The following SSPN variants were observed in gnomAD, a reference collection of about 807,000 sequenced individuals.
SSPN encodes the protein K-ras oncogene-associated protein.
Under a neutral mutation model 19.1 loss-of-function variants are expected in SSPN, and 15 were observed. The ratio of observed to expected loss-of-function variants is 0.78; its 90% CI spans 0.52 to 1.21. The LOEUF is 1.21. Ranked by LOEUF, SSPN falls within the 50% of genes most tolerant of loss-of-function variation. The pLI, the probability that SSPN is intolerant of heterozygous loss-of-function variation, is 0.00. For missense variants in SSPN, 291 were observed against 314.0 expected (o/e 0.93, Z 0.55); for synonymous variants, 147 against 140.3 (o/e 1.05, Z -0.34).
At chr12:26,126,182 C>G (rs1241831645) in intron 1 of SSPN, 1 of 152,234 alleles carries the variant, frequency 6.6e-6, no homozygotes, top group Non-Finnish European at 1.5e-5. Context: ...GTTACCTTTC[C>G]CCAGAGCCAC....
At position 26,233,353 on chromosome 12, in the gene SSPN, CAT is replaced by C. The variant is rs1423202731; in HGVS notation, c.*2279_*2280del. On this transcript the variant is annotated 3_prime_UTR_variant, in exon 3 of 3. Coordinates refer to ENST00000242729, the MANE Select transcript of SSPN (RefSeq NM_005086.5). This position sits in a 1 kb window ranked among gnomAD's most constrained non-coding sequence, Gnocchi z 4.3. ...GGAGATATATATATATATATATACACATACACACACACACACACATATATACT... is the reference window on the plus strand; with the variant it reads ...GGAGATATATATATATATATATACACACACACACACACACACATATATACT... 87 of 139,864 alleles carry C rather than the reference CAT, an allele frequency of 6.2e-4. No homozygotes were observed. The highest frequency in any genetic ancestry group is 2.3e-3 in the African/African-American group (79 of 34,398). The allele number at this position is 139,864 out of a possible 1,614,324, so 8.7% of individuals were successfully genotyped here. A position where few individuals can be genotyped will look rare whatever the true frequency, so the allele number is the denominator to read the frequency against.
intron 1 of SSPN, among the ~76,000 whole-genome samples, chr12:26,157,473 C>T (rs1944562652): frequency 6.6e-6 from 1 of 152,110 alleles, no homozygotes; most frequent in African/African-American, 2.4e-5. Context: ...TCAACTCATC[C>T]TCAGGCCTAC....
intron 1 of SSPN, among the ~76,000 whole-genome samples, chr12:26,134,202 G>A (rs1217612426): frequency 6.6e-6 from 1 of 152,098 alleles, no homozygotes; most frequent in Admixed American, 6.5e-5. Flanking sequence ...AATGTACCCT[G>A]CTCTTGCTGT....
Position 26,172,908 on chromosome 12 carries a change from C to T in SSPN, c.-31+50756C>T, listed in dbSNP as rs541594801. Among the ~76,000 whole-genome samples the T allele has an allele frequency of 7.2e-5, 11 of 152,182 alleles. No homozygotes were observed. In the South Asian group the frequency reaches 2.1e-3, roughly 29 times the overall value. ...ATCATCTATCTATTGTTCCAATCTCCTATGTTGATTAGCTTCCAATTTTTA... is the reference window on the plus strand; with the variant it reads ...ATCATCTATCTATTGTTCCAATCTCTTATGTTGATTAGCTTCCAATTTTTA... On this transcript the variant is annotated intron_variant, in intron 1 of 2. Coordinates refer to the SSPN transcript ENST00000538142.
chr12:26,181,581 G>C (rs1247387365), intron 1 of SSPN, among the ~76,000 whole-genome samples: 1 of 152,174 alleles, frequency 6.6e-6, no homozygotes, highest in Non-Finnish European at 1.5e-5. Context: ...TGTAGGCAAT[G>C]TTATCTAAAA....
chr12:26,178,365 A>G (rs530583343), intron 1 of SSPN, among the ~76,000 whole-genome samples: 30 of 150,936 alleles, frequency 2.0e-4, no homozygotes, highest in Admixed American at 1.3e-4. Context: ...GTGTGTGTGT[A>G]TGTGTGTAAG....
At chr12:26,137,899 C>T (rs956766542) in intron 1 of SSPN, among the ~76,000 whole-genome samples, 1 of 151,630 alleles carries the variant, frequency 6.6e-6, no homozygotes. Context: ...CTCCTGTCCT[C>T]AAGTGACCTA....
At chr12:26,126,136 G>C (rs1316792822) in intron 1 of SSPN, 1 of 152,228 alleles carries the variant, frequency 6.6e-6, no homozygotes, top group African/African-American at 2.4e-5. Flanking sequence ...CAGCCGCGGC[G>C]CTCGGCGCCG....
intron 1 of SSPN, among the ~76,000 whole-genome samples, chr12:26,154,020 C>T (rs1796436378): frequency 6.6e-6 from 1 of 152,152 alleles, no homozygotes; most frequent in Admixed American, 6.5e-5. Context: ...CTTGGAGTAG[C>T]CTCAGAAAGA....
Position 26,141,826 on chromosome 12 carries a change from G to T in SSPN, c.-31+19674G>T, listed in dbSNP as rs138975398. The stretch of plus-strand genomic sequence containing the variant: ...TTTAAAAAATGCATGAAAACAGGAT[G>T]TCTTGCTCAGGATATGCACAGTCTA... On this transcript the variant is annotated intron_variant, in intron 1 of 2. Transcript: ENST00000538142. Among the ~76,000 whole-genome samples, 69 of 152,312 alleles carry T rather than the reference G, an allele frequency of 4.5e-4. No individual in the cohort carries two copies. The East Asian group carries it at 0.012, about 26-fold the overall frequency.
intron 1 of SSPN, among the ~76,000 whole-genome samples, chr12:26,201,031 A>ATATTATATATATATATATAATATATATAT (rs375083991): frequency 1.7e-5 from 1 of 60,512 alleles, no homozygotes; most frequent in East Asian, 6.4e-4. Context: ...ATATATATAT[A>ATATTATATATATATATATAATATATATAT]TATATATATA....
At chr12:26,180,517 A>G (rs916619783) in intron 1 of SSPN, 8 of 152,228 alleles carry the variant, frequency 5.3e-5, no homozygotes, top group African/African-American at 1.9e-4. Flanking sequence ...GCCACAAAAT[A>G]TAAACCAACC....
chr12:26,143,934 A>G (rs1439044356), intron 1 of SSPN, among the ~76,000 whole-genome samples: 2 of 152,166 alleles, frequency 1.3e-5, no homozygotes, highest in Non-Finnish European at 2.9e-5. Flanking sequence ...ATGAGAATCT[A>G]ATGCCTGATG....
chr12:26,143,099 C>T (rs890625471), intron 1 of SSPN, among the ~76,000 whole-genome samples: 1 of 152,200 alleles, frequency 6.6e-6, no homozygotes, highest in Non-Finnish European at 1.5e-5. Flanking sequence ...ATATCATACA[C>T]ATATTACATT....
chr12:26,134,700 T>C (rs1264499731), intron 1 of SSPN, among the ~76,000 whole-genome samples: 2 of 152,224 alleles, frequency 1.3e-5, no homozygotes, highest in African/African-American at 4.8e-5. Context: ...GGGAATATAA[T>C]GTTGGTTCCC....
intron 1 of SSPN, among the ~76,000 whole-genome samples, chr12:26,151,129 C>T (rs2137415502): frequency 6.6e-6 from 1 of 152,224 alleles, no homozygotes; most frequent in Middle Eastern, 3.4e-3. Flanking sequence ...TTTAATATTT[C>T]TATGACTGTT....
chr12:26,137,357 G>A (rs1944431525), intron 1 of SSPN, among the ~76,000 whole-genome samples: 1 of 152,048 alleles, frequency 6.6e-6, no homozygotes, highest in Non-Finnish European at 1.5e-5. Flanking sequence ...CATGATTTTT[G>A]TTTAGAGAAG....
Position 26,233,850 on chromosome 12 carries a change from T to C in SSPN, c.*2774T>C, listed in dbSNP as rs1945260312. 1 of 152,242 alleles carries C rather than the reference T, an allele frequency of 6.6e-6. No individual in the cohort carries two copies. Among genetic ancestry groups the C allele is most frequent in the African/African-American group, 2.4e-5 (1 of 41,454 alleles). 9.4% of individuals were successfully genotyped at this position (152,242 alleles called of 1,614,324 possible). A position where few individuals can be genotyped will look rare whatever the true frequency, so the allele number is the denominator to read the frequency against. ...TTGAAACAGGAGGAATACACCAGCCTAAATGTACAGACTTTGTAGCCGAGC... is the reference window on the plus strand; with the variant it reads ...TTGAAACAGGAGGAATACACCAGCCCAAATGTACAGACTTTGTAGCCGAGC... On this transcript the variant is annotated 3_prime_UTR_variant, in exon 3 of 3. Coordinates refer to ENST00000242729, the MANE Select transcript of SSPN (RefSeq NM_005086.5). The surrounding 1 kb of genome is among the most constrained non-coding windows in gnomAD (Gnocchi z 4.3).
chr12:26,158,914 G>C (rs1944571529), intron 1 of SSPN, among the ~76,000 whole-genome samples: 1 of 152,266 alleles, frequency 6.6e-6, no homozygotes, highest in Non-Finnish European at 1.5e-5. Flanking sequence ...GCACAGAGGA[G>C]GAGATCTGGG....
Sources: allele counts gnomAD v4.1 joint callset (sites outside exome capture counted in the v4.1 genomes callset), GRCh38; gene constraint gnomAD v4.1.1; non-coding constraint Gnocchi (gnomAD v3.1); transcripts MANE v1.5; gene names NCBI Gene and HGNC (gene_info 2026-07-23, HGNC 2026-07-21).